Variants in ZNF475 observed in about 807,000 individuals in gnomAD.
The protein encoded by ZNF475 is zinc finger protein 475.
At chr5:122,180,313 C>A in the ZNF475 span, among the ~76,000 whole-genome samples, 2 of 152,228 alleles carry the variant, frequency 1.3e-5, no homozygotes, top group South Asian at 2.1e-4. Flanking sequence ...TTCCAGCTGG[C>A]GTTATCATTA....
the ZNF475 span, among the ~76,000 whole-genome samples, chr5:122,177,199 T>C: frequency 2.6e-5 from 4 of 152,210 alleles, no homozygotes; most frequent in Non-Finnish European, 5.9e-5. Flanking sequence ...AACTCTCATC[T>C]GCAATTGATG....
the ZNF475 span, among the ~76,000 whole-genome samples, chr5:122,164,142 A>G: frequency 4.6e-5 from 7 of 152,176 alleles, no homozygotes; most frequent in African/African-American, 1.4e-4. Flanking sequence ...TTTCTTAGAA[A>G]TGAGATATAA....
the ZNF475 span, among the ~76,000 whole-genome samples, chr5:122,167,061 A>G: frequency 6.6e-6 from 1 of 152,216 alleles, no homozygotes; most frequent in South Asian, 2.1e-4. Flanking sequence ...TTTAGGTCTG[A>G]CATTTAAGTC....
At chr5:122,170,202 TC>T in the ZNF475 span, among the ~76,000 whole-genome samples, 1 of 152,160 alleles carries the variant, frequency 6.6e-6, no homozygotes, top group Admixed American at 6.5e-5. Context: ...GTGGATTTTT[TC>T]CCCCACAGCA....
At chr5:122,165,088 A>G in the ZNF475 span, among the ~76,000 whole-genome samples, 1 of 152,216 alleles carries the variant, frequency 6.6e-6, no homozygotes, top group Non-Finnish European at 1.5e-5. Context: ...ATTGTCAGTA[A>G]TCAGAAAATA....
chr5:122,169,700 A>G, the ZNF475 span, among the ~76,000 whole-genome samples: 2 of 152,186 alleles, frequency 1.3e-5, no homozygotes, highest in Admixed American at 6.5e-5. Context: ...GAGAAGATGA[A>G]AATTATATGG....
At chr5:122,173,831 T>C in the ZNF475 span, among the ~76,000 whole-genome samples, 3 of 152,234 alleles carry the variant, frequency 2.0e-5, no homozygotes, top group African/African-American at 4.8e-5. Context: ...ATAGATTTAG[T>C]GACTAACTTT....
chr5:122,161,442 G>C, the ZNF475 span, among the ~76,000 whole-genome samples: 1 of 151,992 alleles, frequency 6.6e-6, no homozygotes, highest in Non-Finnish European at 1.5e-5. Context: ...AGGAGAGAGC[G>C]GGGTCAACTC....
chr5:122,179,928 C>T, the ZNF475 span: 6 of 440,822 alleles, frequency 1.4e-5, no homozygotes, highest in Non-Finnish European at 2.4e-5. Context: ...GACATAAAGA[C>T]ACTATGTCCT....
At chr5:122,170,796 C>G in the ZNF475 span, among the ~76,000 whole-genome samples, 2 of 152,160 alleles carry the variant, frequency 1.3e-5, no homozygotes, top group Non-Finnish European at 2.9e-5. Flanking sequence ...GCAACCAGCC[C>G]GAATCTTAAA....
the ZNF475 span, among the ~76,000 whole-genome samples, chr5:122,175,093 T>C: frequency 6.6e-6 from 1 of 152,188 alleles, no homozygotes; most frequent in Non-Finnish European, 1.5e-5. Flanking sequence ...TAAGTTAATA[T>C]AAAATAATAG....
At chr5:122,170,320 G>A in the ZNF475 span, among the ~76,000 whole-genome samples, 1 of 152,146 alleles carries the variant, frequency 6.6e-6, no homozygotes, top group East Asian at 1.9e-4. Context: ...AGCTTCAGAA[G>A]CCAATCTCCA....
chr5:122,179,692 G>T, the ZNF475 span: 11 of 1,527,270 alleles, frequency 7.2e-6, no homozygotes, highest in Non-Finnish European at 8.7e-6. Flanking sequence ...GAGTTAAGGA[G>T]ACCAGTACCT....
At chr5:122,171,098 A>T in the ZNF475 span, among the ~76,000 whole-genome samples, 31 of 152,136 alleles carry the variant, frequency 2.0e-4, no homozygotes, top group African/African-American at 7.0e-4. Flanking sequence ...TCTAATTCCA[A>T]CTACTAGTTT....
At chr5:122,169,058 T>C in the ZNF475 span, among the ~76,000 whole-genome samples, 1 of 152,244 alleles carries the variant, frequency 6.6e-6, no homozygotes, top group Admixed American at 6.5e-5. Flanking sequence ...TTCCATCCTA[T>C]GTGGAACAGA....
At chr5:122,182,391 T>C in the ZNF475 span, 1 of 859,172 alleles carries the variant, frequency 1.2e-6, no homozygotes, top group Middle Eastern at 3.6e-4. Flanking sequence ...AATATGGTTC[T>C]CCCGAATAAA....
At chr5:122,164,866 T>C in the ZNF475 span, among the ~76,000 whole-genome samples, 1 of 152,140 alleles carries the variant, frequency 6.6e-6, no homozygotes, top group Admixed American at 6.5e-5. Flanking sequence ...TTAAAGTGAA[T>C]GGGCTCAGCA....
At chr5:122,175,594 C>T in the ZNF475 span, among the ~76,000 whole-genome samples, 1 of 152,200 alleles carries the variant, frequency 6.6e-6, no homozygotes, top group Non-Finnish European at 1.5e-5. Flanking sequence ...CAAATCTCTT[C>T]ATTCTCTGAA....
the ZNF475 span, among the ~76,000 whole-genome samples, chr5:122,160,956 C>G: frequency 6.6e-6 from 1 of 152,272 alleles, no homozygotes; most frequent in Non-Finnish European, 1.5e-5. Flanking sequence ...TCTTAAAGCT[C>G]CAACAAAGGC....
Sources: allele counts gnomAD v4.1 joint callset (sites outside exome capture counted in the v4.1 genomes callset), GRCh38; gene constraint gnomAD v4.1.1; transcripts MANE v1.5; gene names NCBI Gene and HGNC (gene_info 2026-07-23, HGNC 2026-07-21).